Variants in DCPH1 observed in about 807,000 individuals in gnomAD.
DCPH1 encodes damage control phosphatase 1.
the DCPH1 span, chr6:151,469,197 G>A: frequency 2.6e-6 from 3 of 1,176,028 alleles, no homozygotes; most frequent in Non-Finnish European, 3.5e-6. Flanking sequence ...TGAGTCGCCT[G>A]GCGGCTCTGT....
At chr6:151,468,235 T>G in the DCPH1 span, 1 of 690,236 alleles carries the variant, frequency 1.4e-6, no homozygotes, top group Admixed American at 2.8e-5. Flanking sequence ...TAAAGAGTTT[T>G]GTAGATATTT....
chr6:151,468,720 G>A, the DCPH1 span: 6 of 1,614,040 alleles, frequency 3.7e-6, no homozygotes, highest in African/African-American at 2.7e-5. Context: ...ATAAGTGGAT[G>A]TCCAAGTGTG....
At chr6:151,468,177 A>G in the DCPH1 span, among the ~76,000 whole-genome samples, 1 of 152,236 alleles carries the variant, frequency 6.6e-6, no homozygotes, top group Admixed American at 6.5e-5. Flanking sequence ...GCATCATGTG[A>G]AATAATTTTT....
At chr6:151,452,612 C>A in the DCPH1 span, 8 of 1,596,636 alleles carry the variant, frequency 5.0e-6, no homozygotes, top group African/African-American at 1.4e-5. Context: ...CTCCTCCCCA[C>A]TTTTGCGGAA....
the DCPH1 span, among the ~76,000 whole-genome samples, chr6:151,453,050 T>C: frequency 6.6e-6 from 1 of 152,330 alleles, no homozygotes; most frequent in African/African-American, 2.4e-5. Flanking sequence ...ACCGTGCAAA[T>C]AACATCCATT....
At chr6:151,458,377 G>A in the DCPH1 span, 8 of 1,613,318 alleles carry the variant, frequency 5.0e-6, no homozygotes, top group East Asian at 2.2e-5. Flanking sequence ...TCTAAATTAC[G>A]GAATGAATTG....
the DCPH1 span, chr6:151,469,036 C>G: frequency 7.4e-6 from 12 of 1,613,978 alleles, no homozygotes; most frequent in Non-Finnish European, 9.3e-6. Flanking sequence ...GCAAGGGGAA[C>G]AGCTCCTGGC....
the DCPH1 span, chr6:151,458,472 CTT>C: frequency 3.1e-6 from 5 of 1,613,118 alleles, no homozygotes; most frequent in East Asian, 6.7e-5. Context: ...TCAACAGAGT[CTT>C]TTAAATGAAA....
the DCPH1 span, among the ~76,000 whole-genome samples, chr6:151,462,215 A>G: frequency 3.9e-5 from 6 of 152,222 alleles, no homozygotes; most frequent in Non-Finnish European, 7.3e-5. Context: ...CTTTTTAATA[A>G]AGTGTAATAT....
the DCPH1 span, chr6:151,468,442 TTC>T: frequency 6.2e-7 from 1 of 1,612,210 alleles, no homozygotes; most frequent in South Asian, 1.1e-5. Flanking sequence ...CCTAAAACCT[TTC>T]ATTTTATTGA....
chr6:151,452,535 C>T, the DCPH1 span: 8 of 1,611,544 alleles, frequency 5.0e-6, no homozygotes, highest in Non-Finnish European at 6.8e-6. Flanking sequence ...CGGCCGGGAT[C>T]GCGGAAAGTG....
At chr6:151,452,532 G>T in the DCPH1 span, 1 of 1,611,624 alleles carries the variant, frequency 6.2e-7, no homozygotes, top group Non-Finnish European at 8.5e-7. Flanking sequence ...TTGCGGCCGG[G>T]ATCGCGGAAA....
the DCPH1 span, among the ~76,000 whole-genome samples, chr6:151,454,846 ATAAT>A: frequency 6.6e-6 from 1 of 152,358 alleles, no homozygotes; most frequent in South Asian, 2.1e-4. Flanking sequence ...TTGTGTTCCA[ATAAT>A]TAATTCTGTC....
At chr6:151,458,241 CTTCTT>C in the DCPH1 span, 1 of 1,472,886 alleles carries the variant, frequency 6.8e-7, no homozygotes, top group African/African-American at 1.4e-5. Context: ...TTTTTCTTTT[CTTCTT>C]AAGTCTGTAA....
At chr6:151,463,891 C>G in the DCPH1 span, among the ~76,000 whole-genome samples, 1 of 152,102 alleles carries the variant, frequency 6.6e-6, no homozygotes, top group Non-Finnish European at 1.5e-5. Context: ...ACATATATCA[C>G]CTTTGGTTAA....
the DCPH1 span, among the ~76,000 whole-genome samples, chr6:151,460,832 C>G: frequency 8.7e-4 from 132 of 152,000 alleles, 1 homozygote; most frequent in Non-Finnish European, 2.2e-4. Context: ...CACTGCTTGG[C>G]ATGGAGAAGG....
chr6:151,452,800 C>G, the DCPH1 span: 2 of 546,908 alleles, frequency 3.7e-6, no homozygotes, highest in South Asian at 2.3e-5. Flanking sequence ...GGCGGCTGCT[C>G]GTAAGGATCA....
the DCPH1 span, chr6:151,468,785 T>C: frequency 6.2e-7 from 1 of 1,614,180 alleles, no homozygotes; most frequent in South Asian, 1.1e-5. Flanking sequence ...CACAATCATA[T>C]ATTTTGGACT....
the DCPH1 span, among the ~76,000 whole-genome samples, chr6:151,457,620 T>C: frequency 6.6e-6 from 1 of 152,132 alleles, no homozygotes; most frequent in Non-Finnish European, 1.5e-5. Context: ...ATTGGAGAGA[T>C]GTTTATATTG....
Sources: gnomAD v4.1 joint callset for allele counts (sites outside exome capture counted in the v4.1 genomes callset) on GRCh38, gnomAD v4.1.1 for gene constraint, MANE v1.5 for transcripts, NCBI Gene and HGNC (gene_info 2026-07-23, HGNC 2026-07-21) for gene names.